PREX1: variants seen among roughly 807,000 people sequenced by gnomAD.
PREX1 encodes the protein phosphatidylinositol 3,4,5-trisphosphate-dependent Rac exchanger 1 protein.
In PREX1, 41 loss-of-function variants were observed where a neutral mutation model predicts 198.3. The observed-to-expected ratio is 0.21, with a 90% CI of 0.16 to 0.27. The LOEUF is 0.27. PREX1 is among the 10% of genes least tolerant of loss of function. The pLI, the probability that PREX1 is intolerant of heterozygous loss-of-function variation, is 1.00. For synonymous variants in PREX1, 843 were observed against 887.2 expected, an observed-to-expected ratio of 0.95 and a Z score of 0.89; for missense variants, 1,620 against 2,200.7, an observed-to-expected ratio of 0.74 and a Z score of 5.28.
At position 48,778,703 on chromosome 20, in the gene PREX1, C is replaced by A. The variant is rs200755800; in HGVS notation, c.220-30823G>T. On this transcript the variant is annotated intron_variant, in intron 1 of 39. Coordinates refer to ENST00000371941, the MANE Select transcript of PREX1 (RefSeq NM_020820.4). Reference sequence around the variant, plus strand: ...AAAAGAGAGTACAGGAATTGACCCACACAAATATGGCCGTTTGACTTTTCA... The same window carrying A: ...AAAAGAGAGTACAGGAATTGACCCAAACAAATATGGCCGTTTGACTTTTCA... Among the ~76,000 whole-genome samples the A allele has an allele frequency of 3.3e-5, 5 of 152,282 alleles. No individual in the cohort carries two copies. The East Asian group carries it at 7.7e-4, about 23-fold the overall frequency.
In PREX1 at chr20:48,632,658, C is replaced by A; in HGVS notation, c.4268-19G>T. Reference sequence around the variant, plus strand: ...TTGGTGTCTGCGGAAGGATATGGGGCAGGATGACTCACCACCGAGGCCAAG... The same window carrying A: ...TTGGTGTCTGCGGAAGGATATGGGGAAGGATGACTCACCACCGAGGCCAAG... On this transcript the variant is annotated intron_variant, in intron 33 of 39. Coordinates refer to ENST00000371941, the MANE Select transcript of PREX1 (RefSeq NM_020820.4). 6.2e-7 allele frequency: 1 copy of A among 1,612,746 alleles called. No individual in the cohort carries two copies. The highest frequency in any genetic ancestry group is 8.5e-7 in the Non-Finnish European group (1 of 1,179,440).
rs1023962954 is a variant in PREX1 at position 48,790,649 on chromosome 20, A to C, written c.219+36993T>G. ...AGCCTGCAATATGCTGAAGAGAAGAAAGGGAAGGTGAAGGGAGGCAGAGAA... is the reference window on the plus strand; with the variant it reads ...AGCCTGCAATATGCTGAAGAGAAGACAGGGAAGGTGAAGGGAGGCAGAGAA... On this transcript the variant is annotated intron_variant, in intron 1 of 39. Transcript: ENST00000371941. Among the ~76,000 whole-genome samples, 4 of 152,176 alleles carry C rather than the reference A, an allele frequency of 2.6e-5. No homozygotes were observed. In the East Asian group the frequency reaches 5.8e-4, roughly 22 times the overall value.
intron 29 of PREX1, among the ~76,000 whole-genome samples, chr20:48,640,549 C>A (rs1284553357): frequency 6.6e-6 from 1 of 152,128 alleles, no homozygotes; most frequent in Non-Finnish European, 1.5e-5. Context: ...TGCAGCTGAG[C>A]TGGGGAGCCC....
At chr20:48,627,518 C>A in intron 39 of PREX1, 30 bp downstream of exon 39, 1 of 1,613,190 alleles carries the variant, frequency 6.2e-7, no homozygotes, top group Non-Finnish European at 8.5e-7. Context: ...TGGGAGTGGA[C>A]AGGAAGGGGC....
In PREX1 at chr20:48,625,226, C is replaced by G. The variant is rs1601021224; in HGVS notation, c.*659G>C. 6.6e-6 allele frequency: 1 copy of G among 152,460 alleles called. No individual in the cohort carries two copies. 9.4% of individuals were successfully genotyped at this position (152,460 alleles called of 1,614,324 possible). The stretch of plus-strand genomic sequence containing the variant: ...AACAACAAAAAATCCCAAAATAAAC[C>G]AGAGATTTCATGCCATATAAATAAA... On this transcript the variant is annotated 3_prime_UTR_variant, in exon 40 of 40. Coordinates refer to ENST00000371941, the MANE Select transcript of PREX1 (RefSeq NM_020820.4).
chr20:48,703,741 T>C (rs1198571723), intron 6 of PREX1, among the ~76,000 whole-genome samples: 1 of 152,132 alleles, frequency 6.6e-6, no homozygotes, highest in Non-Finnish European at 1.5e-5. Context: ...TCCGCCAGCC[T>C]GGGAAGCTGC....
At chr20:48,820,565 C>T (rs1024894613) in intron 1 of PREX1, among the ~76,000 whole-genome samples, 3 of 152,226 alleles carry the variant, frequency 2.0e-5, no homozygotes, top group Admixed American at 2.0e-4. Flanking sequence ...CACAGGCATG[C>T]TAATGCCCCC....
chr20:48,777,805 T>C (rs898872379), intron 1 of PREX1, among the ~76,000 whole-genome samples: 1 of 152,094 alleles, frequency 6.6e-6, no homozygotes, highest in Non-Finnish European at 1.5e-5. Flanking sequence ...CTAAGAACAA[T>C]GCCAAAAACA....
chr20:48,714,591 A>AT (rs1240932556), intron 5 of PREX1, among the ~76,000 whole-genome samples: 1 of 152,238 alleles, frequency 6.6e-6, no homozygotes, highest in Non-Finnish European at 1.5e-5. Flanking sequence ...AATAGCTATA[A>AT]TCCAAAACAT....
intron 1 of PREX1, among the ~76,000 whole-genome samples, chr20:48,760,166 T>C (rs2090172908): frequency 6.6e-6 from 1 of 151,546 alleles, no homozygotes; most frequent in Non-Finnish European, 1.5e-5. Context: ...TTCTAGAGTG[T>C]CTGCAGGGAG....
At chr20:48,637,778 G>T (rs538065895) in intron 30 of PREX1, 26 bp from the exon 31 acceptor site, 1 of 1,606,716 alleles carries the variant, frequency 6.2e-7, no homozygotes, top group South Asian at 1.1e-5. Flanking sequence ...AGACAGAAAG[G>T]GGGACGGGCT....
intron 1 of PREX1, among the ~76,000 whole-genome samples, chr20:48,777,296 T>G (rs1023824734): frequency 2.0e-5 from 3 of 152,144 alleles, no homozygotes; most frequent in Admixed American, 6.5e-5. Context: ...GCCTCCAGCA[T>G]GAGGCCCAGG....
At chr20:48,746,369 T>C (rs1887511689) in intron 2 of PREX1, among the ~76,000 whole-genome samples, 1 of 152,184 alleles carries the variant, frequency 6.6e-6, no homozygotes, top group Non-Finnish European at 1.5e-5. Flanking sequence ...AGCCAAAAAC[T>C]GGAAATAACT....
chr20:48,789,261 C>T (rs2090326663), intron 1 of PREX1, among the ~76,000 whole-genome samples: 1 of 152,196 alleles, frequency 6.6e-6, no homozygotes, highest in African/African-American at 2.4e-5. Context: ...GTGCGATCTA[C>T]CATCTGCTTC....
At chr20:48,754,070 G>C (rs1470066234) in intron 1 of PREX1, among the ~76,000 whole-genome samples, 1 of 152,244 alleles carries the variant, frequency 6.6e-6, no homozygotes, top group Non-Finnish European at 1.5e-5. Context: ...CTGGTATGTG[G>C]AGAAAGGATG....
Position 48,625,860 on chromosome 20 carries a change from G to C in PREX1, c.*25C>G. The C allele has an allele frequency of 6.4e-7, 1 of 1,551,536 alleles. No homozygotes were observed. The highest frequency in any genetic ancestry group is 8.7e-7 in the Non-Finnish European group (1 of 1,147,954). On this transcript the variant is annotated 3_prime_UTR_variant, in exon 40 of 40. Coordinates refer to ENST00000371941, the MANE Select transcript of PREX1 (RefSeq NM_020820.4). The stretch of plus-strand genomic sequence containing the variant: ...CCCAAATCCCAGCTCCAGAGGCCGC[G>C]GCCCAGCGTGGGGCATTTGGGTGTT...
At chr20:48,800,498 G>C (rs1057392644) in intron 1 of PREX1, among the ~76,000 whole-genome samples, 2 of 152,232 alleles carry the variant, frequency 1.3e-5, no homozygotes, top group Admixed American at 1.3e-4. Context: ...CTTAGGATGT[G>C]TGCCCGGCAT....
At chr20:48,783,802 C>T (rs2090300556) in intron 1 of PREX1, among the ~76,000 whole-genome samples, 1 of 152,168 alleles carries the variant, frequency 6.6e-6, no homozygotes, top group African/African-American at 2.4e-5. Context: ...ACCTGTTACC[C>T]AAGTACCCCA....
chr20:48,850,121 T>C, the PREX1 span, among the ~76,000 whole-genome samples: 8 of 152,362 alleles, frequency 5.3e-5, no homozygotes, highest in African/African-American at 1.9e-4. Context: ...TGGTGTTATC[T>C]ACTGTTATTA....
Sources: gnomAD v4.1 joint callset for allele counts (sites outside exome capture counted in the v4.1 genomes callset) on GRCh38, gnomAD v4.1.1 for gene constraint, MANE v1.5 for transcripts, NCBI Gene and HGNC (gene_info 2026-07-23, HGNC 2026-07-21) for gene names.